The following TCF7L2 variants were observed in gnomAD, a reference collection of about 807,000 sequenced individuals.
The protein encoded by TCF7L2 is transcription factor 7 like 2.
Under a neutral mutation model 77.9 loss-of-function variants are expected in TCF7L2, and 23 were observed. The observed-to-expected ratio is 0.30, with a 90% CI of 0.21 to 0.42. The LOEUF is 0.42. Among genes scored for constraint, TCF7L2 ranks in the 10% least tolerant of loss-of-function variants. The pLI is 1.00. For missense variants in TCF7L2, 654 were observed against 793.1 expected (o/e 0.82, Z 2.11); for synonymous variants, 413 against 340.2 (o/e 1.21, Z -2.36).
rs2134194741 is a variant in TCF7L2, at chr10:113,036,821, C to A, written c.451-3204C>A. Among the ~76,000 whole-genome samples, 3 of 152,214 alleles carry A rather than the reference C, an allele frequency of 2.0e-5. No homozygotes were observed. The South Asian group carries it at 6.2e-4, about 32-fold the overall frequency. ...GGCAATTCATAATTTCCACATTGAA[C>A]AGCCTGAGAGGAAGAGAGCTGGAGC... On this transcript the variant is annotated intron_variant, in intron 4 of 13. Transcript: ENST00000627217.
chr10:112,988,546 G>A (rs1298039870), intron 4 of TCF7L2, among the ~76,000 whole-genome samples: 1 of 152,210 alleles, frequency 6.6e-6, no homozygotes, highest in Non-Finnish European at 1.5e-5. Flanking sequence ...GATAGGCCGA[G>A]TGGGCCACTC....
Position 113,053,619 on chromosome 10 carries a change from A to G in TCF7L2, c.552+13493A>G, listed in dbSNP as rs2054839963. ...AATATTAGACTTAATCCCAGAATTC[A>G]CATGTTGAAAGAAAACTTAGAGGTC... On this transcript the variant is annotated intron_variant, in intron 5 of 13. Coordinates refer to ENST00000627217, the MANE Select transcript of TCF7L2 (RefSeq NM_001146274.2). Among the ~76,000 whole-genome samples, 3 of 152,170 alleles carry G rather than the reference A, an allele frequency of 2.0e-5. No homozygotes were observed. The South Asian group carries it at 6.2e-4, about 32-fold the overall frequency.
intron 4 of TCF7L2, among the ~76,000 whole-genome samples, chr10:112,976,374 A>G (rs1287438280): frequency 6.6e-6 from 1 of 152,236 alleles, no homozygotes. Context: ...ACAAAGATTT[A>G]TGACTCCTAT....
chr10:113,141,484 G>T (rs979706203), intron 6 of TCF7L2, among the ~76,000 whole-genome samples, 168 bp downstream of exon 6: 9 of 152,154 alleles, frequency 5.9e-5, no homozygotes, highest in African/African-American at 2.2e-4. Context: ...AGCTCTTTGG[G>T]GTGGTTGAGG....
intron 5 of TCF7L2, among the ~76,000 whole-genome samples, chr10:113,119,707 A>G (rs1438598803): frequency 1.3e-5 from 2 of 151,826 alleles, no homozygotes; most frequent in Non-Finnish European, 2.9e-5. Context: ...AGGTTTCAAT[A>G]TAATAGACTA....
chr10:113,074,739 G>A (rs7908486), intron 5 of TCF7L2, among the ~76,000 whole-genome samples: 100,968 of 152,030 alleles, frequency 0.66, 34,598 homozygotes, highest in African/African-American at 0.82. Context: ...GCCATAGGCA[G>A]ATTTTCATAC....
At chr10:113,134,580 T>A (rs1047842794) in intron 5 of TCF7L2, among the ~76,000 whole-genome samples, 14 of 152,294 alleles carry the variant, frequency 9.2e-5, no homozygotes, top group African/African-American at 3.4e-4. Flanking sequence ...AGCCCTTCCT[T>A]CATTGTGTTC....
intron 5 of TCF7L2, among the ~76,000 whole-genome samples, chr10:113,052,890 G>C (rs371054997): frequency 9.8e-5 from 15 of 152,332 alleles, no homozygotes; most frequent in African/African-American, 3.4e-4. Flanking sequence ...ATTTCTAAGA[G>C]GGTGATAACT....
rs776683340 is a variant in TCF7L2 at position 113,164,704 on chromosome 10, TC to T, written c.1392-846del. ...AATCATTTTCTGTTTTTCTTATTCTTCCCCCTCCCCCACCTTTGTTTATCCT... is the reference window on the plus strand; with the variant it reads ...AATCATTTTCTGTTTTTCTTATTCTTCCCCTCCCCCACCTTTGTTTATCCT... On this transcript the variant is annotated intron_variant, in intron 13 of 13. Transcript: ENST00000627217. Among the ~76,000 whole-genome samples, 3 of 152,230 alleles carry T rather than the reference TC, an allele frequency of 2.0e-5. 1 individual carries two copies. Among genetic ancestry groups the T allele is most frequent in the South Asian group, 4.2e-4 (2 of 4,818 alleles).
chr10:113,129,477 TAGA>T (rs1308298108), intron 5 of TCF7L2: 8 of 1,018,886 alleles, frequency 7.9e-6, no homozygotes, highest in Non-Finnish European at 9.4e-6. Flanking sequence ...GATTAGAAAG[TAGA>T]AGGAGTTTTT....
At chr10:113,145,084 G>T (rs952900549) in intron 7 of TCF7L2, among the ~76,000 whole-genome samples, 2 of 150,774 alleles carry the variant, frequency 1.3e-5, no homozygotes, top group South Asian at 2.1e-4. Context: ...AATTCTACCC[G>T]TATTTCTCTA....
chr10:113,092,664 A>G (rs1019537574), intron 5 of TCF7L2, among the ~76,000 whole-genome samples: 1 of 152,090 alleles, frequency 6.6e-6, no homozygotes, highest in Admixed American at 6.6e-5. Context: ...GCAGATCACG[A>G]AGTCAGGAGT....
At chr10:113,001,736 A>G (rs766449288) in intron 4 of TCF7L2, among the ~76,000 whole-genome samples, 15 of 152,212 alleles carry the variant, frequency 9.9e-5, no homozygotes, top group Non-Finnish European at 1.9e-4. Context: ...CGTTGTTTAC[A>G]CGAAGGGAAT....
At chr10:113,007,879 G>T (rs540061666) in intron 4 of TCF7L2, among the ~76,000 whole-genome samples, 2 of 152,212 alleles carry the variant, frequency 1.3e-5, no homozygotes, top group Non-Finnish European at 2.9e-5. Context: ...GCCTTTTGGC[G>T]TGGTGTCTCT....
intron 5 of TCF7L2, among the ~76,000 whole-genome samples, chr10:113,071,384 G>A (rs910072454): frequency 1.3e-5 from 2 of 152,036 alleles, no homozygotes; most frequent in Non-Finnish European, 2.9e-5. Context: ...TTGCTTTGAG[G>A]GTCCACTGGA....
chr10:112,966,688 A>G (rs891924422), intron 4 of TCF7L2, among the ~76,000 whole-genome samples: 2 of 152,142 alleles, frequency 1.3e-5, no homozygotes, highest in Non-Finnish European at 2.9e-5. Flanking sequence ...CAGCTGTTGT[A>G]TCTTTACACC....
chr10:113,064,932 A>T (rs1168979139), intron 5 of TCF7L2, among the ~76,000 whole-genome samples: 1 of 152,210 alleles, frequency 6.6e-6, no homozygotes, highest in African/African-American at 2.4e-5. Flanking sequence ...GTCAATTGCC[A>T]TTGTCACCTC....
At chr10:113,120,145 A>C (rs1412764765) in intron 5 of TCF7L2, among the ~76,000 whole-genome samples, 3 of 152,200 alleles carry the variant, frequency 2.0e-5, no homozygotes, top group African/African-American at 4.8e-5. Flanking sequence ...TTTGCATGCC[A>C]AGTGGGGTTT....
At chr10:113,013,527 T>G (rs143571321) in intron 4 of TCF7L2, among the ~76,000 whole-genome samples, 1 of 152,222 alleles carries the variant, frequency 6.6e-6, no homozygotes, top group Non-Finnish European at 1.5e-5. Flanking sequence ...CCTAAAAAGA[T>G]GGGATATTTT....
Sources: gnomAD v4.1 joint callset for allele counts (sites outside exome capture counted in the v4.1 genomes callset) on GRCh38, gnomAD v4.1.1 for gene constraint, MANE v1.5 for transcripts, NCBI Gene and HGNC (gene_info 2026-07-23, HGNC 2026-07-21) for gene names.